Variants in CCDC93 observed in about 807,000 individuals in gnomAD.
The protein encoded by CCDC93 is CCC complex scaffolding subunit CCDC93, also known as coiled-coil domain-containing protein 93.
Under a neutral mutation model 108.2 loss-of-function variants are expected in CCDC93, and 61 were observed. That is an observed-to-expected ratio of 0.56 (90% CI 0.46 to 0.70). The LOEUF (loss-of-function observed/expected upper bound fraction) is 0.70. CCDC93 is among the 30% of genes least tolerant of loss of function. The probability of loss-of-function intolerance (pLI) is 0.00; values close to 1 mark genes in which losing one functional copy is unlikely to be tolerated. For missense variants in CCDC93, 685 were observed against 764.2 expected, an observed-to-expected ratio of 0.90 and a Z score of 1.22; for synonymous variants, 276 against 260.4, an observed-to-expected ratio of 1.06 and a Z score of -0.58.
Position 117,935,855 on chromosome 2 carries a change from G to A in CCDC93, c.1644-276C>T. ...TTTCATAACTAATATGTATTTTCTT[G>A]CAGTAAAATGTGACTAAAATTAACA... On this transcript the variant is annotated intron_variant, in intron 21 of 23. Transcript: ENST00000376300. 3 of 297,158 alleles carry A rather than the reference G, an allele frequency of 1.0e-5. No individual in the cohort carries two copies. The East Asian group carries it at 1.7e-4, about 17-fold the overall frequency. The allele number at this position is 297,158 out of a possible 1,614,324, so 18.4% of individuals were successfully genotyped here.
rs1677804093 is a variant in CCDC93 at position 117,919,918 on chromosome 2, TGTGCA to T, written c.*420_*424del. On this transcript the variant is annotated 3_prime_UTR_variant, in exon 24 of 24. Coordinates refer to ENST00000376300, the MANE Select transcript of CCDC93 (RefSeq NM_019044.5). Reference sequence around the variant, plus strand: ...CTCCCTGGGCCACCTGCTGGGTACTTGTGCAGTAGGAACTGTGTTTTACACGTCTC... The same window carrying T: ...CTCCCTGGGCCACCTGCTGGGTACTTGTAGGAACTGTGTTTTACACGTCTC... 1 of 154,546 alleles carries T rather than the reference TGTGCA, an allele frequency of 6.5e-6. No homozygotes were observed. Among genetic ancestry groups the T allele is most frequent in the Non-Finnish European group, 1.4e-5 (1 of 69,290 alleles). 9.6% of individuals were successfully genotyped at this position (154,546 alleles called of 1,614,324 possible).
intron 7 of CCDC93, chr2:117,985,370 C>T (rs1238175588): frequency 1.5e-6 from 1 of 646,526 alleles, no homozygotes; most frequent in African/African-American, 2.0e-5. Context: ...ACAAAGGAAG[C>T]ACAAGGAGAC....
chr2:118,003,898 T>A (rs983412379), intron 3 of CCDC93, among the ~76,000 whole-genome samples: 1 of 152,140 alleles, frequency 6.6e-6, no homozygotes, highest in Non-Finnish European at 1.5e-5. Flanking sequence ...AGCTTCTACC[T>A]GCGGCTCTAG....
chr2:117,942,162 C>T (rs925858935), intron 18 of CCDC93, among the ~76,000 whole-genome samples: 2 of 152,200 alleles, frequency 1.3e-5, no homozygotes, highest in African/African-American at 4.8e-5. Flanking sequence ...GCCAAGGCTA[C>T]GCTCCCCATG....
intron 23 of CCDC93, among the ~76,000 whole-genome samples, chr2:117,924,531 G>T (rs1160653825): frequency 2.0e-5 from 3 of 152,204 alleles, no homozygotes; most frequent in African/African-American, 7.2e-5. Context: ...GGGTATCAGT[G>T]ATGGAAGATC....
chr2:117,939,100 G>A lies in CCDC93; in HGVS notation c.1534C>T (p.His512Tyr), dbSNP rs752515553. 1.2e-6 allele frequency: 2 copies of A among 1,602,818 alleles called. No homozygotes were observed. The highest frequency in any genetic ancestry group is 4.5e-5 in the East Asian group (2 of 44,796). Reference protein sequence around the residue: ...IELYRQISAVHKETKQFFTLY... With the variant: ...IELYRQISAVYKETKQFFTLY... ...GTGAAGAACTGCTTGGTTTCTTTGTGCACTGCTGAAACTGTAAAAGTAAAG... is the reference window on the plus strand; with the variant it reads ...GTGAAGAACTGCTTGGTTTCTTTGTACACTGCTGAAACTGTAAAAGTAAAG... Residue 512 changes from histidine to tyrosine, a missense_variant, in exon 20 of 24, where the codon CAC becomes TAC. Physicochemically the swap from His to Tyr is moderately conservative, Grantham distance 83 (BLOSUM62 2). Coordinates refer to ENST00000376300, the MANE Select transcript of CCDC93 (RefSeq NM_019044.5).
chr2:117,947,092 G>T (rs919333923), intron 15 of CCDC93, among the ~76,000 whole-genome samples: 6 of 152,084 alleles, frequency 3.9e-5, no homozygotes, highest in Non-Finnish European at 5.9e-5. Context: ...ATCAAAAGAG[G>T]TCCTTCTTTC....
At chr2:118,011,350 C>T (rs983544486) in intron 1 of CCDC93, among the ~76,000 whole-genome samples, 2 of 152,244 alleles carry the variant, frequency 1.3e-5, no homozygotes, top group East Asian at 3.9e-4. Context: ...GAGCTACATC[C>T]GTCTCTGAAA....
intron 9 of CCDC93, 70 bp from the exon 10 acceptor site, chr2:117,974,970 A>G (rs1460573913): frequency 1.1e-5 from 14 of 1,326,264 alleles, no homozygotes; most frequent in Non-Finnish European, 1.5e-5. Context: ...ATATGCCTAC[A>G]TGGATCTTTG....
intron 5 of CCDC93, 163 bp from the exon 6 acceptor site, chr2:117,995,665 G>C (rs1327426115): frequency 4.9e-6 from 3 of 607,890 alleles, no homozygotes; most frequent in Admixed American, 2.8e-5. Flanking sequence ...ATGGGAAAAG[G>C]CTACAAACCC....
intron 6 of CCDC93, among the ~76,000 whole-genome samples, chr2:117,987,746 T>TA (rs1365097398): frequency 6.6e-6 from 1 of 152,184 alleles, no homozygotes; most frequent in East Asian, 1.9e-4. Context: ...CTGAGATTAA[T>TA]AAAAAATCTA....
chr2:117,989,347 C>T (rs1180086982), intron 6 of CCDC93, among the ~76,000 whole-genome samples: 1 of 152,156 alleles, frequency 6.6e-6, no homozygotes, highest in Non-Finnish European at 1.5e-5. Flanking sequence ...TCCTCCTACT[C>T]TGGATGTGGC....
At chr2:117,966,164 G>A (rs543337748) in intron 11 of CCDC93, among the ~76,000 whole-genome samples, 32 of 152,318 alleles carry the variant, frequency 2.1e-4, no homozygotes, top group African/African-American at 7.0e-4. Context: ...TCTGTTGGTA[G>A]AAAAGTAATC....
In CCDC93 at chr2:117,976,013, T is replaced by A. The variant is rs146991919; in HGVS notation, c.658-733A>T. Among the ~76,000 whole-genome samples, 325 of 152,300 alleles carry A rather than the reference T, an allele frequency of 2.1e-3. 6 individuals carry two copies. In the South Asian group the frequency reaches 0.028, roughly 13 times the overall value. ...CTATCCCTGCCATCCACCAGCTGGG[T>A]GACCTCAGGCTTACCTCTGATCCCT... On this transcript the variant is annotated intron_variant, in intron 8 of 23. Transcript: ENST00000376300.
At chr2:117,953,481 G>A (rs994410307) in intron 12 of CCDC93, among the ~76,000 whole-genome samples, 5 of 152,092 alleles carry the variant, frequency 3.3e-5, no homozygotes, top group Admixed American at 6.6e-5. Context: ...GGGAGATAAG[G>A]GTACTCTGGG....
intron 7 of CCDC93, among the ~76,000 whole-genome samples, chr2:117,983,683 T>C (rs1403586369): frequency 7.9e-6 from 1 of 125,988 alleles, no homozygotes; most frequent in Non-Finnish European, 1.7e-5. Context: ...TATATAGTCA[T>C]ATAATCCTCA....
At chr2:117,971,265 A>C (rs1679751382) in intron 11 of CCDC93, among the ~76,000 whole-genome samples, 1 of 152,182 alleles carries the variant, frequency 6.6e-6, no homozygotes, top group Non-Finnish European at 1.5e-5. Flanking sequence ...TGGGAGGCTG[A>C]GATGGCAGGA....
intron 18 of CCDC93, among the ~76,000 whole-genome samples, chr2:117,943,344 G>A (rs192152114): frequency 1.3e-5 from 2 of 152,338 alleles, no homozygotes; most frequent in Admixed American, 1.3e-4. Flanking sequence ...ATATGCAGCT[G>A]TACTGTCCCG....
Position 117,946,881 on chromosome 2 carries a change from T to C in CCDC93, c.1226A>G (p.Glu409Gly). ...TTCTTGCTGTAGTCGTGTCATCTCC[T>C]CCTTTAAAAGTGACATGAACTTTTA... ...QEQEFKAHCR[E>G]EMTRLQQEIE... The change falls in exon 16 of 24, where the codon GAG (glutamate) becomes GGG (glycine). Residue 409 changes from glutamate to glycine, a missense_variant and splice_region_variant. By Grantham distance (98) the Glu-to-Gly change is moderately conservative (BLOSUM62 -2). Coordinates refer to ENST00000376300, the MANE Select transcript of CCDC93 (RefSeq NM_019044.5). The C allele has an allele frequency of 1.2e-6, 2 of 1,610,394 alleles. No homozygotes were observed. The highest frequency in any genetic ancestry group is 1.7e-6 in the Non-Finnish European group (2 of 1,176,586).
Sources: gnomAD v4.1 joint callset for allele counts (sites outside exome capture counted in the v4.1 genomes callset) on GRCh38, gnomAD v4.1.1 for gene constraint, MANE v1.5 for transcripts, NCBI Gene and HGNC (gene_info 2026-07-23, HGNC 2026-07-21) for gene names.